Variants in POGLUT2 observed in about 807,000 individuals in gnomAD.
The protein encoded by POGLUT2 is ER protein 58.
A neutral mutation model predicts 57.6 loss-of-function variants in POGLUT2; 47 were observed. That is an observed-to-expected ratio of 0.82 (90% CI 0.65 to 1.04). The LOEUF is 1.04. Among genes scored for constraint, POGLUT2 ranks in the 50% least tolerant of loss-of-function variants. The probability of loss-of-function intolerance (pLI) is 0.00; values close to 1 mark genes in which losing one functional copy is unlikely to be tolerated. For synonymous variants in POGLUT2, 200 were observed against 218.8 expected (o/e 0.91, Z 0.76); for missense variants, 565 against 614.8 (o/e 0.92, Z 0.86).
chr13:102,787,296 CT>C (rs1208524388), intron 8 of POGLUT2, among the ~76,000 whole-genome samples: 1 of 152,198 alleles, frequency 6.6e-6, no homozygotes, highest in African/African-American at 2.4e-5. Flanking sequence ...ATCTGTCTGC[CT>C]CAGCCTCCCA....
intron 2 of POGLUT2, among the ~76,000 whole-genome samples, chr13:102,795,463 T>C (rs77520798): frequency 0.061 from 9,208 of 151,958 alleles, 910 homozygotes; most frequent in African/African-American, 0.21. Context: ...CTCATGCAGC[T>C]GAGGTGGGAG....
In POGLUT2 at chr13:102,796,872, T is replaced by C. The variant is rs201564575; in HGVS notation, c.320A>G (p.Tyr107Cys). 87 of 1,611,018 alleles carry C rather than the reference T, an allele frequency of 5.4e-5. No homozygotes were observed. In the East Asian group the frequency reaches 1.8e-3, roughly 33 times the overall value. The change falls in exon 2 of 10, where the codon TAC (tyrosine) becomes TGC (cysteine). Residue 107 changes from tyrosine (Y) to cysteine (C), a missense_variant. Coordinates refer to ENST00000376004, the MANE Select transcript of POGLUT2 (RefSeq NM_024089.3). ...FIVRYRMYASYKNLKVEIKFQ... is the reference protein window; with the variant it reads ...FIVRYRMYASCKNLKVEIKFQ... ...TTTAATTTCCACCTTCAGATTTTTG[T>C]AGCTTGCATACATTCTGTATCTTAC...
intron 4 of POGLUT2, among the ~76,000 whole-genome samples, chr13:102,792,607 G>A (rs959700741): frequency 1.3e-5 from 2 of 152,172 alleles, no homozygotes; most frequent in Admixed American, 6.5e-5. Context: ...CCACTATGCT[G>A]TGTCCTTATA....
intron 4 of POGLUT2, chr13:102,792,065 G>C: frequency 7.8e-7 from 1 of 1,288,396 alleles, no homozygotes; most frequent in Non-Finnish European, 1.0e-6. Flanking sequence ...TGACAAAGAG[G>C]AGCAAGAGAA....
At chr13:102,788,678 GT>G (rs1356915114) in intron 7 of POGLUT2, among the ~76,000 whole-genome samples, 2 of 152,294 alleles carry the variant, frequency 1.3e-5, no homozygotes, top group East Asian at 3.9e-4. Flanking sequence ...TAGAGATGGG[GT>G]TTGACCATGT....
chr13:102,789,686 CT>C (rs1261803497), intron 6 of POGLUT2, among the ~76,000 whole-genome samples: 2 of 152,194 alleles, frequency 1.3e-5, no homozygotes. Context: ...CAACTTCCAC[CT>C]CCTGGGATCA....
intron 2 of POGLUT2, among the ~76,000 whole-genome samples, chr13:102,795,417 G>A (rs1878338667): frequency 6.6e-6 from 1 of 151,992 alleles, no homozygotes; most frequent in Admixed American, 6.5e-5. Flanking sequence ...ACAAAAATTA[G>A]TGGGGCATGG....
chr13:102,791,501 A>T, intron 4 of POGLUT2, 71 bp from the exon 5 acceptor site: 1 of 1,389,498 alleles, frequency 7.2e-7, no homozygotes. Flanking sequence ...TATCAATTTA[A>T]ATTTGAAATT....
intron 6 of POGLUT2, among the ~76,000 whole-genome samples, chr13:102,789,873 C>T (rs1878102721): frequency 6.6e-6 from 1 of 152,246 alleles, no homozygotes; most frequent in Admixed American, 6.5e-5. Flanking sequence ...GCTAGGATTA[C>T]AGGCGTGAGC....
At chr13:102,798,094 C>G (rs538928901) in intron 1 of POGLUT2, among the ~76,000 whole-genome samples, 1 of 152,120 alleles carries the variant, frequency 6.6e-6, no homozygotes, top group Admixed American at 6.5e-5. Context: ...AACATGCTTA[C>G]CTGCAGATGT....
At position 102,793,792 on chromosome 13, in the gene POGLUT2, C is replaced by T. The variant is rs772193403; in HGVS notation, c.403G>A (p.Glu135Lys). The change falls in exon 3 of 10, where the codon GAG becomes AAG. Residue 135 changes from glutamate (E) to lysine (K), a missense_variant. Coordinates refer to ENST00000376004, the MANE Select transcript of POGLUT2 (RefSeq NM_024089.3). ...TCTTGCAGAGGACAGTCACAGTTCT[C>T]ATGGTAAACCGGCCCTATTTACATA... Reference protein sequence around the residue: ...PYILKGPVYHENCDCPLQDSA... With the variant: ...PYILKGPVYHKNCDCPLQDSA... 3.1e-6 allele frequency: 5 copies of T among 1,614,096 alleles called. No homozygotes were observed. The highest frequency in any genetic ancestry group is 2.7e-5 in the African/African-American group (2 of 75,052).
chr13:102,791,994 C>T, intron 4 of POGLUT2: 3 of 1,289,366 alleles, frequency 2.3e-6, no homozygotes, highest in Non-Finnish European at 3.0e-6. Flanking sequence ...AAGCACTGAC[C>T]AGTCTGAGAA....
intron 2 of POGLUT2, among the ~76,000 whole-genome samples, chr13:102,795,201 G>A (rs765647799): frequency 1.4e-5 from 2 of 139,298 alleles, no homozygotes; most frequent in Admixed American, 7.7e-5. Context: ...GCAGTGAGCC[G>A]AGATTGCACC....
chr13:102,793,287 T>C, intron 4 of POGLUT2, 54 bp downstream of exon 4: 2 of 959,542 alleles, frequency 2.1e-6, no homozygotes, highest in Non-Finnish European at 3.3e-6. Flanking sequence ...AAAATTATCC[T>C]GTAAAATCTG....
At chr13:102,794,814 T>C (rs1035049123) in intron 2 of POGLUT2, among the ~76,000 whole-genome samples, 2 of 152,116 alleles carry the variant, frequency 1.3e-5, no homozygotes, top group African/African-American at 2.4e-5. Context: ...AAGACAAAAG[T>C]GATATGATTT....
Position 102,798,747 on chromosome 13 carries a change from G to T in POGLUT2, c.-77C>A. ...GGTGGACAGAAGCAGCCGAGCCTTC[G>T]GCAGGGACCCGCCGGCCGATCGCAG... is the stretch of plus-strand genomic sequence containing the variant. On this transcript the variant is annotated 5_prime_UTR_variant, in exon 1 of 10. Coordinates refer to ENST00000376004, the MANE Select transcript of POGLUT2 (RefSeq NM_024089.3). The T allele has an allele frequency of 7.2e-7, 1 of 1,388,104 alleles. No individual in the cohort carries two copies. The highest frequency in any genetic ancestry group is 1.5e-5 in the South Asian group (1 of 66,818). 86.0% of individuals were successfully genotyped at this position (1,388,104 alleles called of 1,614,324 possible). A position where few individuals can be genotyped will look rare whatever the true frequency, so the allele number is the denominator to read the frequency against.
At chr13:102,789,404 A>G (rs977565351) in intron 6 of POGLUT2, among the ~76,000 whole-genome samples, 183 bp from the exon 7 acceptor site, 4 of 152,228 alleles carry the variant, frequency 2.6e-5, no homozygotes, top group Non-Finnish European at 2.9e-5. Context: ...CTAAATGCTC[A>G]TTTTGATGTG....
At chr13:102,794,087 A>C (rs192384566) in intron 2 of POGLUT2, among the ~76,000 whole-genome samples, 12 of 152,162 alleles carry the variant, frequency 7.9e-5, no homozygotes, top group Admixed American at 2.6e-4. Context: ...AAAATAAAAA[A>C]TTAGCTGGGT....
rs111264752 is a variant in POGLUT2 at position 102,798,807 on chromosome 13, T to C, written c.-137A>G. 3.3e-6 allele frequency: 3 copies of C among 916,250 alleles called. No homozygotes were observed. In the Admixed American group the frequency reaches 9.7e-5, roughly 29 times the overall value. The allele number at this position is 916,250 out of a possible 1,614,324, so 56.8% of individuals were successfully genotyped here. On this transcript the variant is annotated 5_prime_UTR_variant, in exon 1 of 10. Coordinates refer to ENST00000376004, the MANE Select transcript of POGLUT2 (RefSeq NM_024089.3). The stretch of plus-strand genomic sequence containing the variant: ...CGACTGCAAAGGTTGCCGCCCGGCG[T>C]GCAGGGCAGGCGCGCGGGTCTCCGC...
Sources: gnomAD v4.1 joint callset for allele counts (sites outside exome capture counted in the v4.1 genomes callset) on GRCh38, gnomAD v4.1.1 for gene constraint, MANE v1.5 for transcripts, NCBI Gene and HGNC (gene_info 2026-07-23, HGNC 2026-07-21) for gene names.